Variants in RBFOX2 observed in about 807,000 individuals in gnomAD.
RBFOX2 encodes the protein RNA binding protein fox-1 homolog 2.
RBFOX2 carries 10 observed loss-of-function variants against 49.1 expected under a neutral mutation model. The ratio of observed to expected loss-of-function variants is 0.20; its 90% confidence interval spans 0.13 to 0.35. The LOEUF (loss-of-function observed/expected upper bound fraction) is 0.35. RBFOX2 is among the 10% of genes least tolerant of loss of function. The pLI, the probability that RBFOX2 is intolerant of heterozygous loss-of-function variation, is 1.00. For synonymous variants in RBFOX2, 183 were observed against 187.4 expected (o/e 0.98, Z 0.19); for missense variants, 323 against 486.9 (o/e 0.66, Z 3.17).
At chr22:35,874,806 G>C (rs2044804427) in intron 1 of RBFOX2, among the ~76,000 whole-genome samples, 1 of 152,160 alleles carries the variant, frequency 6.6e-6, no homozygotes, top group Admixed American at 6.5e-5. Flanking sequence ...TATGGACCAA[G>C]TGTTTGTGTC....
At chr22:35,982,378 C>G (rs191404551) in intron 1 of RBFOX2, among the ~76,000 whole-genome samples, 1 of 152,068 alleles carries the variant, frequency 6.6e-6, no homozygotes, top group Non-Finnish European at 1.5e-5. Context: ...CTCCTCCCCC[C>G]ATCTCCCCAT....
At chr22:35,945,643 C>T (rs116184656) in intron 1 of RBFOX2, among the ~76,000 whole-genome samples, 139 of 152,216 alleles carry the variant, frequency 9.1e-4, no homozygotes, top group African/African-American at 3.2e-3. Context: ...AGGTCTCACT[C>T]TGTTGCACAG....
At chr22:35,854,415 C>G (rs2042287527) in intron 1 of RBFOX2, among the ~76,000 whole-genome samples, 1 of 151,842 alleles carries the variant, frequency 6.6e-6, no homozygotes, top group African/African-American at 2.4e-5. Context: ...TAAGACCCTG[C>G]CTATAGCCCC....
chr22:35,857,038 G>A (rs1027371834), intron 1 of RBFOX2, among the ~76,000 whole-genome samples: 1 of 151,928 alleles, frequency 6.6e-6, no homozygotes, highest in Non-Finnish European at 1.5e-5. Context: ...TCTCCAAAAG[G>A]AAAAAAAGAG....
rs774592268 is a variant in RBFOX2, at chr22:35,749,909, C to T, written c.888-3348G>A. 5.3e-5 allele frequency among the ~76,000 whole-genome samples: 8 copies of T among 152,164 alleles called. No individual in the cohort carries two copies. The highest frequency in any genetic ancestry group is 7.3e-5 in the Non-Finnish European group (5 of 68,032). ...AGCTAAACAACCAGCAAAATCACCA[C>T]GTTCAGACTCGTATTGGCTAACTCT... On this transcript the variant is annotated intron_variant, in intron 9 of 11. Transcript: ENST00000405409. The surrounding 1 kb of genome is among the most constrained non-coding windows in gnomAD (Gnocchi z 4.1).
Position 35,821,592 on chromosome 22 carries a change from A to ACT in RBFOX2, c.28-11590_28-11589dup, listed in dbSNP as rs1378762684. On this transcript the variant is annotated intron_variant, in intron 1 of 11. Coordinates refer to ENST00000405409, the Ensembl canonical transcript of RBFOX2. ...ACTCCAGCCTGGGGGACAGAGTGAG[A>ACT]CTCCGTCTCCAAAAAAAAAAAAAAA... Among the ~76,000 whole-genome samples the ACT allele has an allele frequency of 2.7e-5, 3 of 109,272 alleles. No homozygotes were observed. The East Asian group carries it at 8.9e-4, about 32-fold the overall frequency. 71.7% of individuals were successfully genotyped at this position (109,272 alleles called of 152,430 possible). A position where few individuals can be genotyped will look rare whatever the true frequency, so the allele number is the denominator to read the frequency against.
At chr22:35,761,461 T>C (rs149854918) in exon 7 of RBFOX2, 69 of 1,614,006 alleles carry the variant, frequency 4.3e-5, no homozygotes, top group Non-Finnish European at 5.5e-5. Flanking sequence ...CTGGGCTTAA[T>C]TTCCAACCTG....
chr22:35,801,465 T>C (rs934355247), intron 2 of RBFOX2, among the ~76,000 whole-genome samples: 5 of 151,518 alleles, frequency 3.3e-5, no homozygotes, highest in Non-Finnish European at 4.4e-5. Flanking sequence ...TCTCTCTCTC[T>C]CTCCCTCCCC....
intron 4 of RBFOX2, among the ~76,000 whole-genome samples, chr22:35,771,171 C>T (rs528783927): frequency 3.9e-5 from 6 of 152,244 alleles, no homozygotes; most frequent in Non-Finnish European, 7.4e-5. Flanking sequence ...TTTGCAGATG[C>T]GATTAAGTTA....
chr22:35,774,633 T>G (rs1470793184), intron 4 of RBFOX2, among the ~76,000 whole-genome samples: 1 of 151,976 alleles, frequency 6.6e-6, no homozygotes, highest in Non-Finnish European at 1.5e-5. Flanking sequence ...ATCTAGAATA[T>G]GAAGGCAAAA....
At chr22:35,955,719 T>C (rs2055472379) in intron 1 of RBFOX2, among the ~76,000 whole-genome samples, 1 of 152,146 alleles carries the variant, frequency 6.6e-6, no homozygotes, top group Admixed American at 6.5e-5. Context: ...GCTCAGGCAG[T>C]AGTGCTTGCT....
chr22:36,011,933 TACTG>T (rs1440289079), intron 1 of RBFOX2, among the ~76,000 whole-genome samples: 7 of 152,220 alleles, frequency 4.6e-5, no homozygotes, highest in East Asian at 1.9e-4. Flanking sequence ...AAAATGAGTA[TACTG>T]ACTATTTTCC....
intron 1 of RBFOX2, among the ~76,000 whole-genome samples, chr22:35,839,329 G>A (rs1169967444): frequency 1.3e-5 from 2 of 151,670 alleles, no homozygotes; most frequent in Non-Finnish European, 1.5e-5. Context: ...TGTCAGGAAT[G>A]ACTTGCTAAA....
In RBFOX2 at chr22:35,799,623, A is replaced by C. The variant is rs562158827; in HGVS notation, c.252+10157T>G. ...AGCAACAAACAGTACAAATAGGGAC[A>C]ACTGATCTTAAAAGACTTATGATGG... is the stretch of plus-strand genomic sequence containing the variant. On this transcript the variant is annotated intron_variant, in intron 2 of 11. Coordinates refer to ENST00000405409, the Ensembl canonical transcript of RBFOX2. 1.6e-4 allele frequency among the ~76,000 whole-genome samples: 24 copies of C among 152,290 alleles called. No homozygotes were observed. In the South Asian group the frequency reaches 4.1e-3, roughly 26 times the overall value.
intron 1 of RBFOX2, among the ~76,000 whole-genome samples, chr22:36,022,097 C>CT (rs1257898975): frequency 6.6e-6 from 1 of 152,146 alleles, no homozygotes; most frequent in African/African-American, 2.4e-5. Flanking sequence ...GTTTACTATG[C>CT]TTTACAAATG....
At position 35,853,788 on chromosome 22, in the gene RBFOX2, C is replaced by G. The variant is rs998050147; in HGVS notation, c.-33-43784G>C. ...GCTTACTAATTTAGAGATAAATTTC[C>G]AATCGTTCATACACATTTAAATTAG... On this transcript the variant is annotated intron_variant, in intron 1 of 13. Coordinates refer to the RBFOX2 transcript ENST00000359369. Among the ~76,000 whole-genome samples, 3 of 151,620 alleles carry G rather than the reference C, an allele frequency of 2.0e-5. No individual in the cohort carries two copies. The East Asian group carries it at 5.8e-4, about 29-fold the overall frequency.
At chr22:36,023,494 C>T (rs575480348) in intron 1 of RBFOX2, among the ~76,000 whole-genome samples, 1 of 152,246 alleles carries the variant, frequency 6.6e-6, no homozygotes, top group South Asian at 2.1e-4. Context: ...TAGAAAACTG[C>T]ACAAAAATAA....
At chr22:35,809,284 T>C (rs775661537) in intron 2 of RBFOX2, among the ~76,000 whole-genome samples, 4 of 152,208 alleles carry the variant, frequency 2.6e-5, no homozygotes, top group South Asian at 2.1e-4. Context: ...AGGGGCCATA[T>C]TGAGATTCAA....
exon 7 of RBFOX2, chr22:35,761,433 C>T (rs747164979): frequency 1.2e-6 from 2 of 1,614,154 alleles, no homozygotes; most frequent in Admixed American, 3.3e-5. Context: ...AACTCCGGAC[C>T]ATATACAGCT....
Sources: allele counts gnomAD v4.1 joint callset (sites outside exome capture counted in the v4.1 genomes callset), GRCh38; gene constraint gnomAD v4.1.1; non-coding constraint Gnocchi (gnomAD v3.1); transcripts MANE v1.5; gene names NCBI Gene and HGNC (gene_info 2026-07-23, HGNC 2026-07-21).